The following EIF3E variants were observed in gnomAD, a reference collection of about 807,000 sequenced individuals.
EIF3E encodes the protein eIF-3 p48.
A neutral mutation model predicts 59.3 loss-of-function variants in EIF3E; 25 were observed. The ratio of observed to expected loss-of-function variants is 0.42; its 90% CI spans 0.31 to 0.59. The LOEUF (loss-of-function observed/expected upper bound fraction) is 0.59. Ranked by LOEUF, EIF3E falls within the 20% of genes least tolerant of loss-of-function variation. The pLI is 0.15. For missense variants in EIF3E, 317 were observed against 534.3 expected (o/e 0.59, Z 4.01); for synonymous variants, 176 against 170.2 (o/e 1.03, Z -0.26).
At position 108,201,250 on chromosome 8, in the gene EIF3E, C is replaced by CTCATATATATATATATATATATATAT. The variant is rs1554597650; in HGVS notation, c.*634_*635insATATATATATATATATATATATATGA. 3 of 122,890 alleles carry CTCATATATATATATATATATATATAT rather than the reference C, an allele frequency of 2.4e-5. No individual in the cohort carries two copies. The highest frequency in any genetic ancestry group is 1.1e-4 in the African/African-American group (3 of 28,420). 7.6% of individuals were successfully genotyped at this position (122,890 alleles called of 1,614,324 possible). A position where few individuals can be genotyped will look rare whatever the true frequency, so the allele number is the denominator to read the frequency against. On this transcript the variant is annotated 3_prime_UTR_variant, in exon 13 of 13. Transcript: ENST00000220849. The stretch of plus-strand genomic sequence containing the variant: ...AATAAAAAAGGAATTAACTACTGAT[C>CTCATATATATATATATATATATATAT]ATATATATATATATATCTATCTCTC...
chr8:108,210,981 T>C (rs702804), intron 10 of EIF3E, among the ~76,000 whole-genome samples: 28,330 of 152,224 alleles, frequency 0.19, 2,905 homozygotes, highest in Middle Eastern at 0.23. Context: ...CACATTTTCT[T>C]AATCCAGTCT....
At chr8:108,214,145 A>C (rs1382460590) in intron 10 of EIF3E, among the ~76,000 whole-genome samples, 1 of 152,198 alleles carries the variant, frequency 6.6e-6, no homozygotes, top group Non-Finnish European at 1.5e-5. Context: ...TCAACATTTT[A>C]AGATGCCATA....
At chr8:108,227,878 T>G (rs1463783376) in intron 7 of EIF3E, 1 of 155,104 alleles carries the variant, frequency 6.4e-6, no homozygotes, top group African/African-American at 2.4e-5. Context: ...AAAGATGATA[T>G]AAAAAGATGC....
intron 7 of EIF3E, 113 bp from the exon 8 acceptor site, chr8:108,217,573 A>G: frequency 1.2e-6 from 1 of 808,612 alleles, no homozygotes; most frequent in South Asian, 2.1e-5. Context: ...CAAACACTTA[A>G]GAATGAGTAT....
At chr8:108,243,343 G>A (rs1480831337) in intron 1 of EIF3E, 3 of 152,268 alleles carry the variant, frequency 2.0e-5, no homozygotes, top group African/African-American at 4.8e-5. Flanking sequence ...AAGGTTTAAG[G>A]ATGTCGCCAG....
intron 7 of EIF3E, among the ~76,000 whole-genome samples, chr8:108,219,033 C>A (rs1001291723): frequency 6.6e-6 from 1 of 152,082 alleles, no homozygotes; most frequent in African/African-American, 2.4e-5. Flanking sequence ...GACCTGCCTG[C>A]CTTGGCCTCC....
chr8:108,202,710 G>A (rs975839330), intron 12 of EIF3E, among the ~76,000 whole-genome samples: 2 of 152,006 alleles, frequency 1.3e-5, no homozygotes, highest in Non-Finnish European at 2.9e-5. Flanking sequence ...TGAAAACCCT[G>A]AGGAAATGAG....
chr8:108,241,668 C>T (rs1432641042), intron 2 of EIF3E, 131 bp downstream of exon 2: 8 of 482,524 alleles, frequency 1.7e-5, no homozygotes, highest in South Asian at 1.6e-4. Flanking sequence ...TATATAACCT[C>T]TCACCCAAAG....
At chr8:108,228,092 A>T in intron 7 of EIF3E, 175 bp downstream of exon 7, 1 of 599,630 alleles carries the variant, frequency 1.7e-6, no homozygotes, top group Non-Finnish European at 2.7e-6. Flanking sequence ...TCTGTCAAAT[A>T]GTTTACTTAA....
intron 3 of EIF3E, among the ~76,000 whole-genome samples, chr8:108,238,791 A>G (rs1343168113): frequency 6.6e-6 from 1 of 152,270 alleles, no homozygotes; most frequent in East Asian, 1.9e-4. Flanking sequence ...TTAAATACAT[A>G]GAAATCAAAG....
chr8:108,242,612 C>T (rs1815859816), intron 1 of EIF3E: 3 of 1,163,894 alleles, frequency 2.6e-6, no homozygotes, highest in East Asian at 5.9e-5. Context: ...TTTCACTGCC[C>T]ACAAAAAATA....
At chr8:108,237,397 G>A (rs978276072) in intron 3 of EIF3E, among the ~76,000 whole-genome samples, 6 of 152,076 alleles carry the variant, frequency 3.9e-5, no homozygotes, top group Non-Finnish European at 8.8e-5. Context: ...GATTACAAGC[G>A]TGCACCACCA....
At chr8:108,228,194 T>A in intron 7 of EIF3E, 73 bp downstream of exon 7, 11 of 1,380,470 alleles carry the variant, frequency 8.0e-6, no homozygotes, top group South Asian at 3.5e-5. Flanking sequence ...TAGAAAAAAG[T>A]ATATTTTAAG....
chr8:108,225,176 T>C (rs939723341), intron 7 of EIF3E, among the ~76,000 whole-genome samples: 5 of 151,570 alleles, frequency 3.3e-5, no homozygotes, highest in African/African-American at 1.2e-4. Context: ...TATTCAGACA[T>C]TCAGACTTGG....
In EIF3E at chr8:108,237,678, T is replaced by C. The variant is rs553919679; in HGVS notation, c.324-1475A>G. On this transcript the variant is annotated intron_variant, in intron 3 of 12. Coordinates refer to ENST00000220849, the MANE Select transcript of EIF3E (RefSeq NM_001568.3). ...AGAGATATGTCCCCATAAAAATTAA[T>C]ATAGGTGTATTACAATACTGATTAT... 4.8e-3 allele frequency among the ~76,000 whole-genome samples: 726 copies of C among 152,302 alleles called. 5 individuals are homozygous for C. The highest frequency in any genetic ancestry group is 7.3e-3 in the Non-Finnish European group (494 of 68,020).
Position 108,229,179 on chromosome 8 carries a change from C to A in EIF3E, c.488G>T (p.Arg163Ile). ...FFRVLVPATD[R>I]NALSSLWGKL... ...TCCCCAGAGTGAACTTAAAGCATTT[C>A]TATCTGTTGCTGGAACCTGTTTAAG... Residue 163 changes from arginine (R) to isoleucine (I), a missense_variant, in exon 6 of 13, where the codon AGA becomes ATA. By Grantham distance (97) the Arg-to-Ile change is moderately conservative. Around this residue, in one of 4 missense-constraint regions of EIF3E, gnomAD observed 242 missense variants for 398.0 expected, o/e 0.61. Coordinates refer to ENST00000220849, the MANE Select transcript of EIF3E (RefSeq NM_001568.3). The A allele has an allele frequency of 6.2e-7, 1 of 1,612,526 alleles. No individual in the cohort carries two copies. The highest frequency in any genetic ancestry group is 1.1e-5 in the South Asian group (1 of 90,794).
chr8:108,206,540 G>C (rs1239951993), intron 10 of EIF3E, among the ~76,000 whole-genome samples: 2 of 151,872 alleles, frequency 1.3e-5, no homozygotes, highest in Admixed American at 6.6e-5. Context: ...GGAGGCTGAG[G>C]CCAGAAGTCT....
chr8:108,247,910 A>G (rs1815977840), intron 1 of EIF3E, among the ~76,000 whole-genome samples: 1 of 152,008 alleles, frequency 6.6e-6, no homozygotes. Flanking sequence ...AGAATTACAC[A>G]TTTATTCATG....
chr8:108,232,525 A>C (rs914410688), intron 5 of EIF3E, among the ~76,000 whole-genome samples: 2 of 152,174 alleles, frequency 1.3e-5, no homozygotes, highest in Non-Finnish European at 2.9e-5. Context: ...CATATTTTAA[A>C]AAAATAAACA....
Sources: allele counts gnomAD v4.1 joint callset (sites outside exome capture counted in the v4.1 genomes callset), GRCh38; gene constraint gnomAD v4.1.1; regional missense constraint gnomAD v4.1.1; transcripts MANE v1.5; gene names NCBI Gene and HGNC (gene_info 2026-07-23, HGNC 2026-07-21).